Variants in HMGCLL1 observed in about 807,000 individuals in gnomAD.
HMGCLL1 encodes 3-hydroxymethyl-3-methylglutaryl-CoA lyase, cytoplasmic.
Under a neutral mutation model 39.1 loss-of-function variants are expected in HMGCLL1, and 36 were observed. The observed-to-expected ratio is 0.92, with a 90% CI of 0.71 to 1.22. The LOEUF (loss-of-function observed/expected upper bound fraction) is 1.22, where lower values mean the gene tolerates loss of function less well. Ranked by LOEUF, HMGCLL1 falls within the 50% of genes most tolerant of loss-of-function variation. The probability of loss-of-function intolerance (pLI) is 0.00; values close to 1 mark genes in which losing one functional copy is unlikely to be tolerated. For synonymous variants in HMGCLL1, 149 were observed against 144.0 expected (o/e 1.03, Z -0.25); for missense variants, 451 against 416.5 (o/e 1.08, Z -0.72).
At chr6:55,456,376 C>A (rs1409240157) in intron 7 of HMGCLL1, among the ~76,000 whole-genome samples, 1 of 152,158 alleles carries the variant, frequency 6.6e-6, no homozygotes, top group Admixed American at 6.5e-5. Flanking sequence ...AGATAAAAAT[C>A]TTTAGATATG....
intron 1 of HMGCLL1, among the ~76,000 whole-genome samples, chr6:55,558,996 C>A (rs1770807606): frequency 6.6e-6 from 1 of 152,082 alleles, no homozygotes; most frequent in African/African-American, 2.4e-5. Flanking sequence ...CATTTCCATA[C>A]CTTTCATTTA....
At chr6:55,480,793 T>C (rs546293134) in intron 7 of HMGCLL1, among the ~76,000 whole-genome samples, 8 of 152,094 alleles carry the variant, frequency 5.3e-5, no homozygotes, top group Admixed American at 4.6e-4. Flanking sequence ...TGGAATACTA[T>C]TCAGCCATAA....
At chr6:55,523,996 A>G (rs1261116454) in intron 3 of HMGCLL1, among the ~76,000 whole-genome samples, 1 of 152,002 alleles carries the variant, frequency 6.6e-6, no homozygotes, top group Non-Finnish European at 1.5e-5. Context: ...AATATATCAA[A>G]ATTCCTCCGT....
intron 7 of HMGCLL1, among the ~76,000 whole-genome samples, chr6:55,483,112 T>A (rs1347226293): frequency 6.6e-6 from 1 of 152,080 alleles, no homozygotes; most frequent in Non-Finnish European, 1.5e-5. Flanking sequence ...AATTGAAAAA[T>A]ACACCAATTT....
chr6:55,661,806 G>A, the HMGCLL1 span, among the ~76,000 whole-genome samples: 1 of 151,912 alleles, frequency 6.6e-6, no homozygotes, highest in Non-Finnish European at 1.5e-5. Context: ...GCTTTAGGCA[G>A]TATTGCCATT....
At chr6:55,675,553 C>T in the HMGCLL1 span, among the ~76,000 whole-genome samples, 81 of 152,176 alleles carry the variant, frequency 5.3e-4, 1 homozygote, top group Non-Finnish European at 9.6e-4. Flanking sequence ...AGATATCTTA[C>T]TGTGATTATT....
rs1005435627 is a variant in HMGCLL1, at chr6:55,579,189, C to A, written c.-134G>T. On this transcript the variant is annotated 5_prime_UTR_variant, in exon 1 of 9. Coordinates refer to ENST00000274901, the MANE Select transcript of HMGCLL1 (RefSeq NM_001042406.2). The stretch of plus-strand genomic sequence containing the variant: ...ACTGGCTGTGAGGACCAGAGCTGTT[C>A]TGCGCACTGCGGCGGCGCCGAGAGG... 1.6e-5 allele frequency: 11 copies of A among 684,260 alleles called. No individual in the cohort carries two copies. In the African/African-American group the frequency reaches 1.8e-4, roughly 11 times the overall value. 42.4% of individuals were successfully genotyped at this position (684,260 alleles called of 1,614,324 possible).
intron 8 of HMGCLL1, among the ~76,000 whole-genome samples, chr6:55,435,972 C>A (rs1581776968): frequency 1.3e-5 from 2 of 152,046 alleles, no homozygotes; most frequent in East Asian, 3.9e-4. Context: ...TACAGCATAT[C>A]TTTAATCTGA....
At chr6:55,606,562 T>C in the HMGCLL1 span, among the ~76,000 whole-genome samples, 3 of 152,068 alleles carry the variant, frequency 2.0e-5, no homozygotes, top group South Asian at 4.1e-4. Flanking sequence ...CTAATAGTTT[T>C]TTTAAAAATT....
chr6:55,607,225 G>T, the HMGCLL1 span, among the ~76,000 whole-genome samples: 2 of 152,102 alleles, frequency 1.3e-5, no homozygotes, highest in Non-Finnish European at 2.9e-5. Flanking sequence ...AAAAAAGTTT[G>T]AGAAAGCAAA....
upstream of HMGCLL1, among the ~76,000 whole-genome samples, chr6:55,580,407 T>A (rs796768286): frequency 0.069 from 579 of 8,422 alleles, 6 homozygotes; most frequent in South Asian, 0.18. Context: ...TTTTTCTTTC[T>A]TTTTTTTTTT....
intron 7 of HMGCLL1, among the ~76,000 whole-genome samples, chr6:55,469,481 G>GTA (rs202195517): frequency 2.6e-4 from 34 of 132,030 alleles, no homozygotes; most frequent in South Asian, 1.2e-3. Flanking sequence ...GTGTGTGTGT[G>GTA]TATATATATA....
At chr6:55,550,929 C>G (rs1172378777) in intron 1 of HMGCLL1, among the ~76,000 whole-genome samples, 1 of 151,348 alleles carries the variant, frequency 6.6e-6, no homozygotes, top group Non-Finnish European at 1.5e-5. Context: ...GCCATCCTGA[C>G]CTATACAATA....
At chr6:55,500,629 A>C (rs1476410796) in intron 5 of HMGCLL1, among the ~76,000 whole-genome samples, 1 of 151,964 alleles carries the variant, frequency 6.6e-6, no homozygotes, top group South Asian at 2.1e-4. Flanking sequence ...AAAGAGGATA[A>C]ATTCAAGTAA....
intron 7 of HMGCLL1, among the ~76,000 whole-genome samples, chr6:55,457,646 C>T (rs1764380928): frequency 6.6e-6 from 1 of 152,050 alleles, no homozygotes; most frequent in Non-Finnish European, 1.5e-5. Flanking sequence ...CTCTTTCTTC[C>T]CTTCTTTTTT....
chr6:55,669,993 G>A, the HMGCLL1 span, among the ~76,000 whole-genome samples: 1 of 151,714 alleles, frequency 6.6e-6, no homozygotes, highest in Admixed American at 6.6e-5. Flanking sequence ...CACAGATTTA[G>A]GAAGTTAAAT....
the HMGCLL1 span, among the ~76,000 whole-genome samples, chr6:55,653,367 C>T: frequency 1.3e-5 from 2 of 151,750 alleles, no homozygotes; most frequent in Non-Finnish European, 2.9e-5. Flanking sequence ...ATTTTAAAGT[C>T]GATTGTATGA....
At chr6:55,623,035 A>G in the HMGCLL1 span, among the ~76,000 whole-genome samples, 1 of 151,866 alleles carries the variant, frequency 6.6e-6, no homozygotes, top group South Asian at 2.1e-4. Flanking sequence ...TAGGATTTCC[A>G]ATTTATTGGT....
chr6:55,587,891 C>A, the HMGCLL1 span, among the ~76,000 whole-genome samples: 1 of 152,070 alleles, frequency 6.6e-6, no homozygotes, highest in Non-Finnish European at 1.5e-5. Context: ...CAGGAGCACC[C>A]AGATTCATAA....
Sources: allele counts gnomAD v4.1 joint callset (sites outside exome capture counted in the v4.1 genomes callset), GRCh38; gene constraint gnomAD v4.1.1; transcripts MANE v1.5; gene names NCBI Gene and HGNC (gene_info 2026-07-23, HGNC 2026-07-21).